The following IMMP2L variants were observed in gnomAD, a reference collection of about 807,000 sequenced individuals.
The protein encoded by IMMP2L is mitochondrial inner membrane protease subunit 2.
In IMMP2L, 18 loss-of-function variants were observed where a neutral mutation model predicts 19.3. The ratio of observed to expected loss-of-function variants is 0.93; its 90% CI spans 0.64 to 1.38. The LOEUF is 1.38. Among genes scored for constraint, IMMP2L ranks in the 40% most tolerant of loss-of-function variants. IMMP2L has a pLI of 0.00. For missense variants in IMMP2L, 233 were observed against 218.2 expected, an observed-to-expected ratio of 1.07 and a Z score of -0.43; for synonymous variants, 76 against 73.0, an observed-to-expected ratio of 1.04 and a Z score of -0.21.
chr7:110,703,386 G>A (rs1340964630), intron 5 of IMMP2L, among the ~76,000 whole-genome samples: 2 of 151,838 alleles, frequency 1.3e-5, no homozygotes, highest in Non-Finnish European at 2.9e-5. Flanking sequence ...GTATTGGTAT[G>A]TAGTTTTTTT....
chr7:111,218,535 A>G (rs1237266647), intron 3 of IMMP2L, among the ~76,000 whole-genome samples: 1 of 151,968 alleles, frequency 6.6e-6, no homozygotes, highest in Non-Finnish European at 1.5e-5. Flanking sequence ...CGTTCCCCAT[A>G]TGATCTTAAA....
At chr7:111,009,702 A>G (rs1036198928) in intron 3 of IMMP2L, among the ~76,000 whole-genome samples, 1 of 152,136 alleles carries the variant, frequency 6.6e-6, no homozygotes, top group Non-Finnish European at 1.5e-5. Flanking sequence ...AAAAAAAGGA[A>G]GTTAATCTTT....
chr7:111,469,967 G>C (rs898575953), intron 3 of IMMP2L, among the ~76,000 whole-genome samples: 59 of 152,070 alleles, frequency 3.9e-4, no homozygotes, highest in Non-Finnish European at 6.2e-4. Flanking sequence ...ATTTTCGCAA[G>C]CTACTCATCT....
rs1020452044 is a variant in IMMP2L at position 111,436,325 on chromosome 7, C to CA, written c.239+50912dup. 8.2e-4 allele frequency among the ~76,000 whole-genome samples: 121 copies of CA among 148,284 alleles called. No individual in the cohort carries two copies. The Middle Eastern group carries it at 0.024, about 29-fold the overall frequency. ...AGGCAACATGGAAAAGCTTTGTTTA[C>CA]AAAAAAAAATGACATTGGGCTGGAA... On this transcript the variant is annotated intron_variant, in intron 3 of 5. Transcript: ENST00000405709.
At chr7:111,069,710 A>G (rs1794791462) in intron 3 of IMMP2L, among the ~76,000 whole-genome samples, 1 of 152,122 alleles carries the variant, frequency 6.6e-6, no homozygotes, top group Admixed American at 6.6e-5. Flanking sequence ...TAGGGCTCAC[A>G]TGAGGAGGCG....
chr7:111,458,876 G>C (rs561379874), intron 3 of IMMP2L, among the ~76,000 whole-genome samples: 1 of 152,204 alleles, frequency 6.6e-6, no homozygotes, highest in East Asian at 1.9e-4. Flanking sequence ...TACACTATTA[G>C]AATTCAAAAC....
intron 5 of IMMP2L, among the ~76,000 whole-genome samples, chr7:110,682,627 G>A (rs1487628217): frequency 2.0e-5 from 3 of 152,084 alleles, no homozygotes; most frequent in Admixed American, 1.3e-4. Flanking sequence ...GAACAGTCAC[G>A]GGATCACAGT....
At chr7:111,471,831 T>G (rs1187684847) in intron 3 of IMMP2L, among the ~76,000 whole-genome samples, 1 of 152,006 alleles carries the variant, frequency 6.6e-6, no homozygotes, top group African/African-American at 2.4e-5. Context: ...ATATATCATA[T>G]TAGTGTGAAA....
chr7:110,862,958 T>C (rs1299463882), intron 5 of IMMP2L, among the ~76,000 whole-genome samples: 1 of 152,016 alleles, frequency 6.6e-6, no homozygotes, highest in Non-Finnish European at 1.5e-5. Flanking sequence ...ACCCACCTCC[T>C]ATAACGCCTG....
At chr7:110,931,350 G>C (rs959095062) in intron 4 of IMMP2L, among the ~76,000 whole-genome samples, 3 of 152,122 alleles carry the variant, frequency 2.0e-5, no homozygotes, top group African/African-American at 7.2e-5. Flanking sequence ...ATTGAGTATA[G>C]TGTTCAGGTA....
At chr7:110,681,581 C>T (rs985609517) in intron 5 of IMMP2L, among the ~76,000 whole-genome samples, 1 of 152,034 alleles carries the variant, frequency 6.6e-6, no homozygotes, top group Non-Finnish European at 1.5e-5. Flanking sequence ...GCATAAAAGG[C>T]CCTGAAAAAT....
chr7:111,310,094 G>A, intron 3 of IMMP2L, among the ~76,000 whole-genome samples: 1 of 151,894 alleles, frequency 6.6e-6, no homozygotes, highest in East Asian at 1.9e-4. Flanking sequence ...AACTAGCTGG[G>A]CATGGTGGTG....
intron 3 of IMMP2L, among the ~76,000 whole-genome samples, chr7:111,445,251 G>C (rs924907404): frequency 4.0e-5 from 6 of 151,652 alleles, no homozygotes; most frequent in Non-Finnish European, 8.8e-5. Context: ...ACAAACTGTG[G>C]GGAGCCAAAA....
At chr7:111,035,509 T>A (rs1278872277) in intron 3 of IMMP2L, among the ~76,000 whole-genome samples, 4 of 152,178 alleles carry the variant, frequency 2.6e-5, no homozygotes, top group Admixed American at 2.0e-4. Flanking sequence ...CTTCTACATA[T>A]GTGATCAACT....
At chr7:111,286,951 A>T (rs1820551575) in intron 3 of IMMP2L, among the ~76,000 whole-genome samples, 1 of 152,178 alleles carries the variant, frequency 6.6e-6, no homozygotes, top group Non-Finnish European at 1.5e-5. Context: ...CACCCTTAGA[A>T]TAATTCAAAT....
chr7:111,170,478 G>A (rs1220375626), intron 3 of IMMP2L, among the ~76,000 whole-genome samples: 1 of 151,860 alleles, frequency 6.6e-6, no homozygotes, highest in Non-Finnish European at 1.5e-5. Context: ...CAGAATAGGA[G>A]CCCACAATAC....
intron 5 of IMMP2L, among the ~76,000 whole-genome samples, chr7:110,774,193 G>A (rs1799228875): frequency 6.6e-6 from 1 of 151,998 alleles, no homozygotes; most frequent in Non-Finnish European, 1.5e-5. Context: ...AGAAGATTGT[G>A]GAATCAGTAA....
chr7:111,130,296 T>A (rs1263553682), intron 3 of IMMP2L, among the ~76,000 whole-genome samples: 1 of 152,146 alleles, frequency 6.6e-6, no homozygotes, highest in Non-Finnish European at 1.5e-5. Context: ...TCAAAATTAT[T>A]GAGAAGTGGC....
intron 5 of IMMP2L, among the ~76,000 whole-genome samples, chr7:110,762,121 T>A (rs1165344438): frequency 6.6e-6 from 1 of 152,142 alleles, no homozygotes; most frequent in Non-Finnish European, 1.5e-5. Flanking sequence ...ATTTAAAAGA[T>A]TTAATTGCAA....
Sources: allele counts gnomAD v4.1 joint callset (sites outside exome capture counted in the v4.1 genomes callset), GRCh38; gene constraint gnomAD v4.1.1; transcripts MANE v1.5; gene names NCBI Gene and HGNC (gene_info 2026-07-23, HGNC 2026-07-21).